Variants in SLC28A2 observed in about 807,000 individuals in gnomAD.
SLC28A2 encodes the protein sodium/nucleoside cotransporter 2.
In SLC28A2, 69 loss-of-function variants were observed where a neutral mutation model predicts 72.9. The ratio of observed to expected loss-of-function variants is 0.95; its 90% confidence interval spans 0.78 to 1.16. The LOEUF (loss-of-function observed/expected upper bound fraction) is 1.16. Ranked by LOEUF, SLC28A2 falls within the 50% of genes most tolerant of loss-of-function variation. The pLI is 0.00. For synonymous variants in SLC28A2, 296 were observed against 294.1 expected (o/e 1.01, Z -0.07); for missense variants, 745 against 791.1 (o/e 0.94, Z 0.70).
At position 45,264,788 on chromosome 15, in the gene SLC28A2, A is replaced by G; in HGVS notation, c.702+20A>G. Reference sequence around the variant, plus strand: ...GTCCAGGTATGAGAAATTAAATGCGAGGGCTTTTCTCTTTTAGAACCCTAG... The same window carrying G: ...GTCCAGGTATGAGAAATTAAATGCGGGGGCTTTTCTCTTTTAGAACCCTAG... On this transcript the variant is annotated intron_variant, in intron 7 of 17. Transcript: ENST00000347644. 1 of 1,452,814 alleles carries G rather than the reference A, an allele frequency of 6.9e-7. No homozygotes were observed. Among genetic ancestry groups the G allele is most frequent in the Non-Finnish European group, 9.7e-7 (1 of 1,033,066 alleles). 90.0% of individuals were successfully genotyped at this position (1,452,814 alleles called of 1,614,324 possible). A position where few individuals can be genotyped will look rare whatever the true frequency, so the allele number is the denominator to read the frequency against.
intron 8 of SLC28A2, 129 bp downstream of exon 8, chr15:45,265,295 C>A: frequency 2.8e-6 from 2 of 717,574 alleles, no homozygotes; most frequent in Non-Finnish European, 2.5e-6. Context: ...GAGGGTTTAA[C>A]CCCATCAGTA....
chr15:45,267,401 T>C, intron 10 of SLC28A2, 54 bp from the exon 11 acceptor site: 2 of 1,606,512 alleles, frequency 1.2e-6, no homozygotes, highest in East Asian at 2.2e-5. Flanking sequence ...GTGGGCACAC[T>C]GGCATGGGGA....
At chr15:45,266,050 A>G (rs371025120) in intron 9 of SLC28A2, 31 bp from the exon 10 acceptor site, 19 of 1,484,554 alleles carry the variant, frequency 1.3e-5, no homozygotes, top group African/African-American at 1.2e-4. Flanking sequence ...TCCTGCTAAC[A>G]TTAATGGTTT....
intron 14 of SLC28A2, among the ~76,000 whole-genome samples, chr15:45,269,766 C>A (rs911801462): frequency 1.3e-5 from 2 of 152,230 alleles, no homozygotes; most frequent in Non-Finnish European, 2.9e-5. Flanking sequence ...ACTGCCCCAA[C>A]TGTGACCCAA....
intron 3 of SLC28A2, among the ~76,000 whole-genome samples, chr15:45,258,242 T>A (rs28559620): frequency 0.018 from 2,597 of 146,010 alleles, 32 homozygotes; most frequent in Middle Eastern, 0.028. Context: ...TACTATATAT[T>A]TTTTTTGTCA....
Position 45,267,721 on chromosome 15 carries a change from C to T in SLC28A2, c.1124C>T (p.Ala375Val), listed in dbSNP as rs1160474200. ...ASVMAAPCAL[A>V]SSKLAYPEVE... is the part of the protein sequence containing the mutation. ...GTGATGGCCGCCCCTTGTGCTCTCG[C>T]CTCATCAAAGCTAGCGTATCCGGAA... Residue 375 changes from alanine (A) to valine (V), a missense_variant, in exon 12 of 18, where the codon GCC (alanine) becomes GTC (valine). Coordinates refer to ENST00000347644, the MANE Select transcript of SLC28A2 (RefSeq NM_004212.4). The T allele has an allele frequency of 6.2e-7, 1 of 1,614,098 alleles. No individual in the cohort carries two copies. Among genetic ancestry groups the T allele is most frequent in the African/African-American group, 1.3e-5 (1 of 75,002 alleles).
intron 1 of SLC28A2, among the ~76,000 whole-genome samples, chr15:45,252,935 T>G (rs1899839008): frequency 1.3e-5 from 2 of 152,246 alleles, no homozygotes; most frequent in Admixed American, 1.3e-4. Context: ...TCATTTCAAT[T>G]CCACTGCCTT....
In SLC28A2 at chr15:45,267,505, T is replaced by A. The variant is rs17222036; in HGVS notation, c.993T>A (p.Ser331=). 1,394 of 1,614,138 alleles carry A rather than the reference T, an allele frequency of 8.6e-4. 11 individuals are homozygous for A. The African/African-American group carries it at 0.017, about 20-fold the overall frequency. The part of the protein sequence containing the change: ...IRPYLGDMTL[S]EIHAVMTGGF... ...CCTACCTTGGGGACATGACACTCTC[T>A]GAAATCCATGCGGTGATGACTGGAG... The change falls in exon 11 of 18, where the codon TCT becomes TCA. Residue 331 remains serine, a synonymous_variant. Coordinates refer to ENST00000347644, the MANE Select transcript of SLC28A2 (RefSeq NM_004212.4).
At chr15:45,275,249 CAT>C (rs763296261) in intron 17 of SLC28A2, 145 bp from the exon 18 acceptor site, 1 of 633,512 alleles carries the variant, frequency 1.6e-6, no homozygotes, top group South Asian at 2.0e-5. Flanking sequence ...AGAAAAGAAA[CAT>C]AATTGGGTTC....
chr15:45,256,881 A>G (rs1393568033), intron 3 of SLC28A2, among the ~76,000 whole-genome samples: 2 of 152,046 alleles, frequency 1.3e-5, no homozygotes, highest in Non-Finnish European at 2.9e-5. Flanking sequence ...GAACTCCCTT[A>G]TATCACAAAC....
intron 3 of SLC28A2, among the ~76,000 whole-genome samples, chr15:45,260,568 G>A (rs181720021): frequency 6.6e-6 from 1 of 152,178 alleles, no homozygotes; most frequent in African/African-American, 2.4e-5. Flanking sequence ...ACCAGCCTGG[G>A]GAACATAGCA....
intron 17 of SLC28A2, 97 bp from the exon 18 acceptor site, chr15:45,275,299 T>C (rs1900717702): frequency 1.4e-6 from 1 of 715,474 alleles, no homozygotes; most frequent in Non-Finnish European, 2.4e-6. Flanking sequence ...TACAGGTTTT[T>C]GTTTTTGTTT....
At chr15:45,273,556 A>G (rs566307860) in intron 17 of SLC28A2, among the ~76,000 whole-genome samples, 2 of 152,216 alleles carry the variant, frequency 1.3e-5, no homozygotes, top group Admixed American at 1.3e-4. Context: ...GAAGCCTTGT[A>G]TGAAATACTA....
At position 45,267,679 on chromosome 15, in the gene SLC28A2, C is replaced by A; in HGVS notation, c.1082C>A (p.Ser361Tyr). ...GGCGCCTCACAGGTTGATGCATCAT[C>A]CCTGATTTCTGCCTCTGTGATGGCC... ...AFIAFGVDAS[S>Y]LISASVMAAP... The change falls in exon 12 of 18, where the codon TCC becomes TAC. Residue 361 changes from serine (S) to tyrosine (Y), a missense_variant. Transcript: ENST00000347644. 6.2e-7 allele frequency: 1 copy of A among 1,614,084 alleles called. No individual in the cohort carries two copies. The highest frequency in any genetic ancestry group is 1.1e-5 in the South Asian group (1 of 91,070).
At chr15:45,253,400 A>G (rs779514797) in intron 2 of SLC28A2, 32 bp from the exon 3 acceptor site, 14 of 1,592,812 alleles carry the variant, frequency 8.8e-6, no homozygotes, top group Non-Finnish European at 1.1e-5. Context: ...GCAGGGCTCC[A>G]TGACTGATCC....
intron 15 of SLC28A2, among the ~76,000 whole-genome samples, chr15:45,271,379 A>G (rs1900558862): frequency 6.6e-6 from 1 of 152,160 alleles, no homozygotes; most frequent in South Asian, 2.1e-4. Context: ...CTGGGGCAAC[A>G]TGGTGAGATT....
In SLC28A2 at chr15:45,265,454, T is replaced by C. The variant is rs1042660267; in HGVS notation, c.781-129T>C. Reference sequence around the variant, plus strand: ...ATACATTTTAAATGTATCCCTAAACTAGTTTGTGTAGGTACTGAATACCTA... The same window carrying C: ...ATACATTTTAAATGTATCCCTAAACCAGTTTGTGTAGGTACTGAATACCTA... On this transcript the variant is annotated intron_variant, in intron 8 of 17. Transcript: ENST00000347644. 1.1e-5 allele frequency: 8 copies of C among 718,842 alleles called. No individual in the cohort carries two copies. In the African/African-American group the frequency reaches 1.4e-4, roughly 12 times the overall value. The allele number at this position is 718,842 out of a possible 1,614,324, so 44.5% of individuals were successfully genotyped here. A position where few individuals can be genotyped will look rare whatever the true frequency, so the allele number is the denominator to read the frequency against.
chr15:45,263,167 G>T lies in SLC28A2; in HGVS notation c.369G>T (p.Leu123Phe), dbSNP rs1167533417. 2 of 1,613,848 alleles carry T rather than the reference G, an allele frequency of 1.2e-6. No individual in the cohort carries two copies. The highest frequency in any genetic ancestry group is 1.7e-6 in the Non-Finnish European group (2 of 1,179,948). Residue 123 changes from leucine to phenylalanine, a missense_variant, in exon 5 of 18, where the codon TTG becomes TTT. Physicochemically the swap from Leu to Phe is conservative, Grantham distance 22 (BLOSUM62 0). Transcript: ENST00000347644. ...LVIFVLVHSF[L>F]KKLLGKKLTR... ...TCTTTGTCCTGGTTCACTCGTTTTT[G>T]AAAAAGCTCCTGGGCAAAAAATTAA...
intron 3 of SLC28A2, among the ~76,000 whole-genome samples, chr15:45,261,756 C>G (rs1401426394): frequency 6.6e-6 from 1 of 152,152 alleles, no homozygotes; most frequent in Non-Finnish European, 1.5e-5. Context: ...TGAGCAGTAC[C>G]CACTTCTATG....
Sources: allele counts gnomAD v4.1 joint callset (sites outside exome capture counted in the v4.1 genomes callset), GRCh38; gene constraint gnomAD v4.1.1; transcripts MANE v1.5; gene names NCBI Gene and HGNC (gene_info 2026-07-23, HGNC 2026-07-21).